Variants in SLC1A1 observed in about 807,000 individuals in gnomAD.
SLC1A1 encodes solute carrier family 1 member 1.
Under a neutral mutation model 53.3 loss-of-function variants are expected in SLC1A1, and 43 were observed. The observed-to-expected ratio is 0.81, with a 90% CI of 0.63 to 1.04. SLC1A1 has a LOEUF of 1.04. Ranked by LOEUF, SLC1A1 falls within the 50% of genes least tolerant of loss-of-function variation. The pLI, the probability that SLC1A1 is intolerant of heterozygous loss-of-function variation, is 0.00. For missense variants in SLC1A1, 748 were observed against 664.9 expected, an observed-to-expected ratio of 1.12 and a Z score of -1.37; for synonymous variants, 307 against 243.2, an observed-to-expected ratio of 1.26 and a Z score of -2.44.
chr9:4,522,724 T>C (rs1586710129), intron 1 of SLC1A1, among the ~76,000 whole-genome samples: 1 of 152,122 alleles, frequency 6.6e-6, no homozygotes, highest in East Asian at 1.9e-4. Context: ...AGTGTGAGCG[T>C]GTGAAGGAGG....
intron 6 of SLC1A1, among the ~76,000 whole-genome samples, chr9:4,571,201 G>T (rs1586829630): frequency 6.6e-6 from 1 of 152,220 alleles, no homozygotes; most frequent in African/African-American, 2.4e-5. Context: ...TGGACACATA[G>T]AGGGGAACAA....
chr9:4,508,376 G>A (rs1294099681), intron 1 of SLC1A1, among the ~76,000 whole-genome samples: 2 of 152,138 alleles, frequency 1.3e-5, no homozygotes, highest in African/African-American at 4.8e-5. Context: ...GAGACTGATA[G>A]ATTCACCCAC....
intron 1 of SLC1A1, among the ~76,000 whole-genome samples, chr9:4,515,779 G>C (rs913296715): frequency 6.6e-6 from 1 of 152,138 alleles, no homozygotes. Flanking sequence ...TGCTTGCCCA[G>C]ATCAAGGGTC....
chr9:4,506,876 ATC>A (rs1291376635), intron 1 of SLC1A1, among the ~76,000 whole-genome samples: 1 of 152,166 alleles, frequency 6.6e-6, no homozygotes, highest in Non-Finnish European at 1.5e-5. Flanking sequence ...CCCAGGGAAC[ATC>A]TGTTTTCCAT....
At chr9:4,575,873 T>G in intron 8 of SLC1A1, 128 bp from the exon 9 acceptor site, 1 of 1,017,568 alleles carries the variant, frequency 9.8e-7, no homozygotes, top group Non-Finnish European at 1.5e-6. Flanking sequence ...CCTGCCCTAC[T>G]CCCATTTCTT....
chr9:4,550,288 T>A (rs183777148), intron 2 of SLC1A1, among the ~76,000 whole-genome samples: 79 of 152,310 alleles, frequency 5.2e-4, no homozygotes, highest in African/African-American at 1.6e-3. Context: ...AAACAAAAAA[T>A]GCTCCAGACT....
intron 1 of SLC1A1, among the ~76,000 whole-genome samples, chr9:4,495,067 G>A (rs1228781876): frequency 5.9e-5 from 9 of 152,132 alleles, no homozygotes; most frequent in Non-Finnish European, 1.3e-4. Flanking sequence ...CTCCTTCATG[G>A]TCTTAGCAAT....
intron 1 of SLC1A1, among the ~76,000 whole-genome samples, chr9:4,526,386 A>G (rs1226935667): frequency 6.6e-6 from 1 of 152,238 alleles, no homozygotes; most frequent in Non-Finnish European, 1.5e-5. Context: ...AACACAAGGC[A>G]AGAGAATACA....
At chr9:4,558,512 T>A (rs1319578805) in intron 2 of SLC1A1, among the ~76,000 whole-genome samples, 1 of 152,108 alleles carries the variant, frequency 6.6e-6, no homozygotes, top group East Asian at 1.9e-4. Context: ...AGAGGGGAAA[T>A]TGGATGACTA....
chr9:4,514,563 A>C (rs1430320894), intron 1 of SLC1A1, among the ~76,000 whole-genome samples: 1 of 152,144 alleles, frequency 6.6e-6, no homozygotes, highest in Admixed American at 6.5e-5. Flanking sequence ...TGGTAATCAG[A>C]TAAATGAGAG....
In SLC1A1 at chr9:4,490,631, C is replaced by CAGCCCACGCGCGCACGGCCG; in HGVS notation, c.-42_-23dup. ...AGCAGCCAGCAGTCCCCGGGTCGCC[C>CAGCCCACGCGCGCACGGCCG]AGCCCACGCGCGCACGGCCGAGCCC... On this transcript the variant is annotated 5_prime_UTR_variant, in exon 1 of 12. Transcript: ENST00000262352. 1 of 1,531,364 alleles carries CAGCCCACGCGCGCACGGCCG rather than the reference C, an allele frequency of 6.5e-7. No homozygotes were observed. The highest frequency in any genetic ancestry group is 2.3e-5 in the East Asian group (1 of 43,922). 94.9% of individuals were successfully genotyped at this position (1,531,364 alleles called of 1,614,324 possible). A position where few individuals can be genotyped will look rare whatever the true frequency, so the allele number is the denominator to read the frequency against.
intron 10 of SLC1A1, among the ~76,000 whole-genome samples, 181 bp downstream of exon 10, chr9:4,576,944 G>T (rs908279377): frequency 6.6e-6 from 1 of 152,228 alleles, no homozygotes; most frequent in Admixed American, 6.5e-5. Flanking sequence ...TTCGGGGTCT[G>T]GGTAGCCAAA....
At chr9:4,529,877 T>C (rs1816402472) in intron 1 of SLC1A1, among the ~76,000 whole-genome samples, 1 of 152,200 alleles carries the variant, frequency 6.6e-6, no homozygotes, top group Non-Finnish European at 1.5e-5. Context: ...CTTTTGCTCA[T>C]GGCCCATGGG....
chr9:4,492,088 G>C (rs1365313231), intron 1 of SLC1A1, among the ~76,000 whole-genome samples: 1 of 152,146 alleles, frequency 6.6e-6, no homozygotes, highest in Non-Finnish European at 1.5e-5. Context: ...AGGAGGAAAG[G>C]AGAGAAGTAC....
chr9:4,546,983 G>A (rs1817546874), intron 2 of SLC1A1, among the ~76,000 whole-genome samples: 1 of 152,242 alleles, frequency 6.6e-6, no homozygotes, highest in Non-Finnish European at 1.5e-5. Context: ...ATAGAAGATT[G>A]ATCCAAATTA....
At chr9:4,501,712 C>A (rs1027834889) in intron 1 of SLC1A1, among the ~76,000 whole-genome samples, 1 of 151,536 alleles carries the variant, frequency 6.6e-6, no homozygotes, top group African/African-American at 2.4e-5. Context: ...CGCAGTGAGC[C>A]GAGATCACGC....
At chr9:4,576,252 G>C (rs1586847006) in intron 9 of SLC1A1, 129 bp downstream of exon 9, 2 of 885,624 alleles carry the variant, frequency 2.3e-6, no homozygotes, top group Non-Finnish European at 1.9e-6. Flanking sequence ...CCGTATTCTC[G>C]GCCCCTGGCC....
chr9:4,505,346 G>A (rs1380759270), intron 1 of SLC1A1, among the ~76,000 whole-genome samples: 1 of 152,036 alleles, frequency 6.6e-6, no homozygotes, highest in Non-Finnish European at 1.5e-5. Context: ...ACCGCACCCG[G>A]CCCATATTTC....
Position 4,519,338 on chromosome 9 carries a change from G to A in SLC1A1, c.92-25229G>A, listed in dbSNP as rs531714474. Among the ~76,000 whole-genome samples the A allele has an allele frequency of 6.1e-4, 93 of 152,254 alleles. 1 individual carries two copies. The highest frequency in any genetic ancestry group is 6.5e-4 in the Non-Finnish European group (44 of 68,024). On this transcript the variant is annotated intron_variant, in intron 1 of 11. Transcript: ENST00000262352. ...TTTCCTATGTACATTTTCTCTTTGG[G>A]TTCACCCAACATTCTCGAGATACCC...
Sources: allele counts gnomAD v4.1 joint callset (sites outside exome capture counted in the v4.1 genomes callset), GRCh38; gene constraint gnomAD v4.1.1; transcripts MANE v1.5; gene names NCBI Gene and HGNC (gene_info 2026-07-23, HGNC 2026-07-21).